Variants in PAPPA2 observed in about 807,000 individuals in gnomAD.
PAPPA2 encodes the protein pappalysin 2, also known as pappalysin-2.
A neutral mutation model predicts 176.4 loss-of-function variants in PAPPA2; 86 were observed. The ratio of observed to expected loss-of-function variants is 0.49; its 90% confidence interval spans 0.41 to 0.58. PAPPA2 has a LOEUF of 0.58. PAPPA2 is among the 20% of genes least tolerant of loss of function. The pLI, the probability that PAPPA2 is intolerant of heterozygous loss-of-function variation, is 0.00. For missense variants in PAPPA2, 2,073 were observed against 2,256.9 expected, an observed-to-expected ratio of 0.92 and a Z score of 1.65; for synonymous variants, 809 against 852.2, an observed-to-expected ratio of 0.95 and a Z score of 0.88.
intron 21 of PAPPA2, among the ~76,000 whole-genome samples, chr1:176,800,899 C>A (rs1385560276): frequency 6.6e-6 from 1 of 152,184 alleles, no homozygotes; most frequent in Non-Finnish European, 1.5e-5. Flanking sequence ...TTGTCTACTT[C>A]TTCACATAGT....
intron 2 of PAPPA2, among the ~76,000 whole-genome samples, chr1:176,585,361 A>C (rs1035138275): frequency 2.0e-5 from 3 of 152,132 alleles, no homozygotes; most frequent in African/African-American, 4.8e-5. Context: ...GACATCTGCA[A>C]TTAGGCTAAT....
intron 3 of PAPPA2, among the ~76,000 whole-genome samples, chr1:176,641,215 T>C (rs1320273999): frequency 1.3e-5 from 2 of 152,152 alleles, no homozygotes; most frequent in African/African-American, 4.8e-5. Context: ...TTTGTCAATT[T>C]TGGCTTTTGT....
intron 4 of PAPPA2, among the ~76,000 whole-genome samples, chr1:176,675,804 A>T (rs570230642): frequency 6.6e-6 from 1 of 152,218 alleles, no homozygotes; most frequent in Admixed American, 6.6e-5. Flanking sequence ...AACAAGGTGA[A>T]TAGGAAATAT....
At chr1:176,841,951 G>T (rs904833695) in intron 22 of PAPPA2, among the ~76,000 whole-genome samples, 2 of 152,136 alleles carry the variant, frequency 1.3e-5, no homozygotes, top group Admixed American at 6.6e-5. Context: ...GCCCTTCCCT[G>T]TAAAGAGAAA....
Position 176,595,086 on chromosome 1 carries a change from G to A in PAPPA2, c.1482G>A (p.Leu494=). The change falls in exon 3 of 23, where the codon TTG becomes TTA. Residue 494 remains leucine (L), a synonymous_variant. Transcript: ENST00000367662. ...CAGAGCCTGAGATTCTGTCGCCTTT[G>A]CAGCCCCCACTCTGTGGGCAAACAG... ...FEPEPEILSP[L]QPPLCGQTVC... is the part of the protein sequence containing the mutation. 1 of 1,614,114 alleles carries A rather than the reference G, an allele frequency of 6.2e-7. No homozygotes were observed. The highest frequency in any genetic ancestry group is 8.5e-7 in the Non-Finnish European group (1 of 1,180,012).
chr1:176,482,732 TG>T (rs1652462198), intron 1 of PAPPA2, among the ~76,000 whole-genome samples: 1 of 152,188 alleles, frequency 6.6e-6, no homozygotes, highest in African/African-American at 2.4e-5. Context: ...CTCAGCTTGA[TG>T]TTCAGTAGGG....
At chr1:176,524,893 T>G (rs1037319451) in intron 1 of PAPPA2, among the ~76,000 whole-genome samples, 1 of 152,002 alleles carries the variant, frequency 6.6e-6, no homozygotes, top group Non-Finnish European at 1.5e-5. Flanking sequence ...TAAAATAAAA[T>G]TAGTCGGGCG....
Position 176,793,556 on chromosome 1 carries a change from T to C in PAPPA2, c.5021-4T>C, listed in dbSNP as rs776596629. ...GTCTCTGCTGTAAACTTCTGTTCTT[T>C]CAGGTGCAGTGTGTTCCCCATTGTG... On this transcript the variant is annotated splice_region_variant and splice_polypyrimidine_tract_variant and intron_variant, in intron 19 of 22. Transcript: ENST00000367662. 3.7e-6 allele frequency: 6 copies of C among 1,601,588 alleles called. No individual in the cohort carries two copies. In the Admixed American group the frequency reaches 8.4e-5, roughly 22 times the overall value.
chr1:176,768,084 C>G (rs376640824), intron 15 of PAPPA2, among the ~76,000 whole-genome samples: 1 of 152,230 alleles, frequency 6.6e-6, no homozygotes, highest in African/African-American at 2.4e-5. Context: ...GGATGGCTGG[C>G]TCAGCCATAG....
At chr1:176,668,526 C>T (rs1658796362) in intron 3 of PAPPA2, among the ~76,000 whole-genome samples, 1 of 152,154 alleles carries the variant, frequency 6.6e-6, no homozygotes, top group Non-Finnish European at 1.5e-5. Flanking sequence ...CATCCTAAGC[C>T]TATGAACCAG....
chr1:176,788,078 GA>G (rs955521911), intron 17 of PAPPA2, among the ~76,000 whole-genome samples: 54 of 150,650 alleles, frequency 3.6e-4, no homozygotes, highest in African/African-American at 1.1e-3. Context: ...AAAAGAAAAA[GA>G]AAAAAAAAGA....
At chr1:176,817,317 G>A (rs1204346829) in intron 21 of PAPPA2, among the ~76,000 whole-genome samples, 1 of 152,168 alleles carries the variant, frequency 6.6e-6, no homozygotes, top group Non-Finnish European at 1.5e-5. Context: ...AACCACTAGA[G>A]GATGGAGCAT....
At chr1:176,583,168 C>A (rs1001503884) in intron 2 of PAPPA2, among the ~76,000 whole-genome samples, 2 of 151,678 alleles carry the variant, frequency 1.3e-5, no homozygotes, top group Non-Finnish European at 2.9e-5. Context: ...TTTTGTATAT[C>A]TTTTCAGAAA....
intron 1 of PAPPA2, among the ~76,000 whole-genome samples, chr1:176,490,160 T>C (rs1483850831): frequency 1.3e-5 from 2 of 152,042 alleles, no homozygotes; most frequent in Non-Finnish European, 2.9e-5. Flanking sequence ...TTTTTTTGCT[T>C]TGGTTCTCTT....
chr1:176,736,024 G>T (rs1662396059), intron 12 of PAPPA2, among the ~76,000 whole-genome samples: 1 of 152,126 alleles, frequency 6.6e-6, no homozygotes, highest in African/African-American at 2.4e-5. Context: ...ATAGTAAAAT[G>T]TTAGATATAG....
intron 4 of PAPPA2, among the ~76,000 whole-genome samples, chr1:176,681,913 G>A (rs1045511597): frequency 5.9e-5 from 9 of 152,078 alleles, no homozygotes; most frequent in Admixed American, 3.3e-4. Context: ...AGTGGACTGC[G>A]GCAGAGTAGC....
At chr1:176,820,390 T>C (rs1666609754) in intron 21 of PAPPA2, among the ~76,000 whole-genome samples, 1 of 152,194 alleles carries the variant, frequency 6.6e-6, no homozygotes, top group African/African-American at 2.4e-5. Flanking sequence ...GCCTGCAACA[T>C]ACTTTGCAAG....
chr1:176,774,115 GT>G (rs1557862943), intron 17 of PAPPA2, among the ~76,000 whole-genome samples: 1 of 152,130 alleles, frequency 6.6e-6, no homozygotes, highest in Non-Finnish European at 1.5e-5. Flanking sequence ...CCTGATTGAT[GT>G]TCCTTCTTCC....
chr1:176,833,946 C>G (rs754074122), intron 21 of PAPPA2, among the ~76,000 whole-genome samples: 4 of 151,982 alleles, frequency 2.6e-5, no homozygotes, highest in Non-Finnish European at 4.4e-5. Flanking sequence ...AAATCTGGAC[C>G]TGTGTCTAAG....
Sources: allele counts gnomAD v4.1 joint callset (sites outside exome capture counted in the v4.1 genomes callset), GRCh38; gene constraint gnomAD v4.1.1; transcripts MANE v1.5; gene names NCBI Gene and HGNC (gene_info 2026-07-23, HGNC 2026-07-21).